The following DMD variants were observed in gnomAD, a reference collection of about 807,000 sequenced individuals.
DMD encodes the protein dystrophin, also known as mutant dystrophin.
DMD carries 63 observed loss-of-function variants against 330.1 expected under a neutral mutation model. The ratio of observed to expected loss-of-function variants is 0.19; its 90% CI spans 0.16 to 0.24. The LOEUF (loss-of-function observed/expected upper bound fraction) is 0.24, where lower values mean the gene tolerates loss of function less well. DMD is among the 10% of genes least tolerant of loss of function. The probability of loss-of-function intolerance (pLI) is 1.00; values close to 1 mark genes in which losing one functional copy is unlikely to be tolerated. For missense variants in DMD, 3,344 were observed against 2,684.1 expected, an observed-to-expected ratio of 1.25 and a Z score of -5.43; for synonymous variants, 1,223 against 959.8, an observed-to-expected ratio of 1.27 and a Z score of -5.07.
intron 45 of DMD, among the ~76,000 whole-genome samples, chrX:31,939,498 G>C (rs1234273016): frequency 8.9e-6 from 1 of 112,015 alleles, no homozygotes; most frequent in African/African-American, 3.2e-5. Flanking sequence ...TCTAAATGCT[G>C]CCAGTTATCA....
At chrX:31,728,153 G>T (rs780572804) in intron 52 of DMD, among the ~76,000 whole-genome samples, 11 of 111,919 alleles carry the variant, frequency 9.8e-5, no homozygotes, top group Admixed American at 9.4e-4. Context: ...CTCCCAAGTA[G>T]CTGGGACTAC....
chrX:32,631,570 G>A (rs1050472169), intron 11 of DMD, among the ~76,000 whole-genome samples: 4 of 111,721 alleles, frequency 3.6e-5, no homozygotes, highest in African/African-American at 1.3e-4. Flanking sequence ...GGTTCTGCAG[G>A]TTGTCCCTGA....
intron 12 of DMD, among the ~76,000 whole-genome samples, chrX:32,611,875 A>G (rs965697906): frequency 3.6e-5 from 4 of 112,006 alleles, no homozygotes; most frequent in Non-Finnish European, 5.7e-5. Context: ...AAGGAACACT[A>G]GAAACAAACT....
chrX:32,037,848 T>C (rs1183428396), intron 44 of DMD, among the ~76,000 whole-genome samples: 3 of 112,226 alleles, frequency 2.7e-5, no homozygotes, highest in South Asian at 3.7e-4. Context: ...TATTCATATA[T>C]GGAATAAACC....
intron 34 of DMD, 107 bp downstream of exon 34, chrX:32,380,403 A>G: frequency 2.7e-6 from 2 of 749,671 alleles, no homozygotes; most frequent in Admixed American, 2.5e-5. Context: ...ATGAAACAAT[A>G]TTAATATTTA....
At chrX:31,308,295 T>C (rs2055201910) in intron 62 of DMD, among the ~76,000 whole-genome samples, 1 of 112,109 alleles carries the variant, frequency 8.9e-6, no homozygotes, top group African/African-American at 3.2e-5. Context: ...ACAGTTTTGG[T>C]AATAGGAGCT....
At chrX:33,306,617 T>G (rs1460415856) in intron 1 of DMD, among the ~76,000 whole-genome samples, 5 of 110,671 alleles carry the variant, frequency 4.5e-5, no homozygotes, top group African/African-American at 1.6e-4. Context: ...CACAGAGGCT[T>G]GAAAACTCCT....
At chrX:33,073,838 A>C (rs1256785953) in intron 1 of DMD, among the ~76,000 whole-genome samples, 2 of 96,224 alleles carry the variant, frequency 2.1e-5, no homozygotes, top group African/African-American at 5.2e-5. Context: ...GTCTCAAATA[A>C]ATAAATAAAT....
chrX:31,686,923 A>C (rs2082721865), intron 52 of DMD, among the ~76,000 whole-genome samples: 1 of 111,893 alleles, frequency 8.9e-6, no homozygotes, highest in Admixed American at 9.5e-5. Context: ...CTTCTCGTTA[A>C]GGAGAAGAGA....
intron 1 of DMD, among the ~76,000 whole-genome samples, chrX:33,120,223 A>G (rs937664816): frequency 2.7e-5 from 3 of 112,094 alleles, no homozygotes; most frequent in African/African-American, 9.7e-5. Flanking sequence ...TACAAGTGAG[A>G]GGAAAGAGAA....
chrX:31,516,051 C>T (rs1473428397), intron 55 of DMD, among the ~76,000 whole-genome samples: 4 of 111,098 alleles, frequency 3.6e-5, no homozygotes, highest in African/African-American at 1.3e-4. Context: ...TTTTGGAGCA[C>T]ACTTGCATAC....
chrX:32,367,342 C>T (rs547120281), intron 34 of DMD, among the ~76,000 whole-genome samples: 28 of 111,867 alleles, frequency 2.5e-4, no homozygotes, highest in South Asian at 3.7e-4. Flanking sequence ...TGGACATATA[C>T]GCAAATGAGA....
intron 47 of DMD, among the ~76,000 whole-genome samples, chrX:31,895,194 A>T (rs1373549820): frequency 9.0e-6 from 1 of 111,719 alleles, no homozygotes; most frequent in East Asian, 2.8e-4. Context: ...GAATGGAGAG[A>T]CAGGAGGCAG....
intron 62 of DMD, among the ~76,000 whole-genome samples, chrX:31,271,517 G>A (rs867441431): frequency 9.0e-6 from 1 of 111,470 alleles, no homozygotes; most frequent in African/African-American, 3.3e-5. Context: ...GAGTGGCATA[G>A]GAAAGGACAA....
At chrX:31,167,646 T>C (rs751839298) in intron 74 of DMD, among the ~76,000 whole-genome samples, 8 of 112,247 alleles carry the variant, frequency 7.1e-5, no homozygotes, top group Non-Finnish European at 1.1e-4. Flanking sequence ...CTCAATAAAG[T>C]AGAAATGTTT....
intron 1 of DMD, among the ~76,000 whole-genome samples, chrX:33,122,808 C>T (rs1440046309): frequency 7.2e-5 from 8 of 111,669 alleles, no homozygotes; most frequent in Non-Finnish European, 1.1e-4. Flanking sequence ...ACTTCTCTTT[C>T]TCTCCCTCTC....
chrX:31,480,554 T>TTGTGTG (rs60621342), intron 57 of DMD, among the ~76,000 whole-genome samples: 3,085 of 91,262 alleles, frequency 0.034, 66 homozygotes, highest in African/African-American at 0.055. Flanking sequence ...ATCTCCATGT[T>TTGTGTG]TGTGTGTGTG....
In DMD at chrX:31,120,301, C is replaced by A. The variant is rs1217631772; in HGVS notation, c.*1618G>T. On this transcript the variant is annotated 3_prime_UTR_variant, in exon 79 of 79. Coordinates refer to ENST00000357033, the MANE Select transcript of DMD (RefSeq NM_004006.3). ...TTGTTTGTTTATATATTTAACCTGTCTAATCCACCAAGAAGGGTTTTTTTG... is the reference window on the plus strand; with the variant it reads ...TTGTTTGTTTATATATTTAACCTGTATAATCCACCAAGAAGGGTTTTTTTG... The A allele has an allele frequency of 1.8e-5, 2 of 111,576 alleles. No homozygotes were observed. Among genetic ancestry groups the A allele is most frequent in the African/African-American group, 6.5e-5 (2 of 30,633 alleles). The allele number at this position is 111,576 out of a possible 1,213,427, so 9.2% of individuals were successfully genotyped here.
At chrX:31,129,543 C>A (rs2034205683) in intron 77 of DMD, among the ~76,000 whole-genome samples, 1 of 111,905 alleles carries the variant, frequency 8.9e-6, no homozygotes, top group Non-Finnish European at 1.9e-5. Flanking sequence ...TCAGGCTTTG[C>A]AAGCCCACGG....
Sources: allele counts gnomAD v4.1 joint callset (sites outside exome capture counted in the v4.1 genomes callset), GRCh38; gene constraint gnomAD v4.1.1; transcripts MANE v1.5; gene names NCBI Gene and HGNC (gene_info 2026-07-23, HGNC 2026-07-21).